PPP6R2: variants seen among roughly 807,000 people sequenced by gnomAD.
The protein encoded by PPP6R2 is protein phosphatase 6 regulatory subunit 2, also known as serine/threonine-protein phosphatase 6 regulatory subunit 2.
A neutral mutation model predicts 100.2 loss-of-function variants in PPP6R2; 62 were observed. The ratio of observed to expected loss-of-function variants is 0.62; its 90% CI spans 0.50 to 0.76. The LOEUF (loss-of-function observed/expected upper bound fraction) is 0.76, where lower values mean the gene tolerates loss of function less well. PPP6R2 is among the 30% of genes least tolerant of loss of function. The pLI is 0.00. For missense variants in PPP6R2, 1,142 were observed against 1,276.3 expected, an observed-to-expected ratio of 0.89 and a Z score of 1.60; for synonymous variants, 525 against 514.7, an observed-to-expected ratio of 1.02 and a Z score of -0.27.
chr22:50,422,286 G>T lies in PPP6R2; in HGVS notation c.878G>T (p.Gly293Val). ...GGCTTGGTGGACTCCTTTTCTCAGGGACTGGAAAGGTCATACGCTGTCAGC... is the reference window on the plus strand; with the variant it reads ...GGCTTGGTGGACTCCTTTTCTCAGGTACTGGAAAGGTCATACGCTGTCAGC... ...TEGLVDSFSQGLERSYAVSSS... is the reference protein window; with the variant it reads ...TEGLVDSFSQVLERSYAVSSS... Residue 293 changes from glycine (G) to valine (V), a missense_variant, in exon 9 of 24, where the codon GGA (glycine) becomes GTA (valine). Gly to Val is a moderately radical substitution (Grantham distance 109). Coordinates refer to ENST00000612753, the MANE Select transcript of PPP6R2 (RefSeq NM_001242898.2). 2 of 1,614,042 alleles carry T rather than the reference G, an allele frequency of 1.2e-6. No homozygotes were observed. The highest frequency in any genetic ancestry group is 2.2e-5 in the East Asian group (1 of 44,876).
At chr22:50,424,054 G>A (rs530468468) in intron 10 of PPP6R2, among the ~76,000 whole-genome samples, 1 of 152,254 alleles carries the variant, frequency 6.6e-6, no homozygotes, top group Non-Finnish European at 1.5e-5. Flanking sequence ...TCTCCATCCC[G>A]CAGACGGCTT....
chr22:50,399,118 G>A (rs1369587571), intron 3 of PPP6R2, among the ~76,000 whole-genome samples: 1 of 152,110 alleles, frequency 6.6e-6, no homozygotes, highest in African/African-American at 2.4e-5. Flanking sequence ...GTGGTGGCCG[G>A]TGCCTGTAGT....
At chr22:50,359,721 A>G (rs2047405648) in intron 1 of PPP6R2, among the ~76,000 whole-genome samples, 1 of 151,820 alleles carries the variant, frequency 6.6e-6, no homozygotes, top group African/African-American at 2.4e-5. Context: ...ATGTGGTTGG[A>G]TTTGGTTTGG....
intron 1 of PPP6R2, among the ~76,000 whole-genome samples, chr22:50,367,308 C>T (rs776000723): frequency 3.3e-5 from 5 of 151,994 alleles, no homozygotes; most frequent in Non-Finnish European, 5.9e-5. Context: ...AAGAAGTTTC[C>T]CTAGAAAAAT....
chr22:50,360,202 G>T (rs1342446426), intron 1 of PPP6R2, among the ~76,000 whole-genome samples: 10 of 152,004 alleles, frequency 6.6e-5, no homozygotes, highest in Non-Finnish European at 1.2e-4. Flanking sequence ...ACAGGTGCGT[G>T]CCACCACGCC....
chr22:50,334,856 A>G, the PPP6R2 span, among the ~76,000 whole-genome samples: 8 of 151,982 alleles, frequency 5.3e-5, no homozygotes, highest in African/African-American at 1.9e-4. Flanking sequence ...AGTCCCAGCT[A>G]CTTAGGAGAC....
chr22:50,364,454 TACAA>T (rs2048358401), intron 1 of PPP6R2, among the ~76,000 whole-genome samples: 1 of 152,202 alleles, frequency 6.6e-6, no homozygotes, highest in Non-Finnish European at 1.5e-5. Context: ...AGGAGGCACA[TACAA>T]ACAAATGTTA....
intron 4 of PPP6R2, among the ~76,000 whole-genome samples, chr22:50,412,434 G>T (rs967664651): frequency 6.6e-6 from 1 of 151,802 alleles, no homozygotes; most frequent in African/African-American, 2.4e-5. Context: ...CGCCTGCCTT[G>T]ACCTCCCTCA....
chr22:50,422,922 A>G (rs1423908919), intron 9 of PPP6R2, among the ~76,000 whole-genome samples: 2 of 152,192 alleles, frequency 1.3e-5, no homozygotes, highest in Non-Finnish European at 2.9e-5. Flanking sequence ...GTGGGGGCCA[A>G]GATTCTGTTT....
At chr22:50,379,122 G>C (rs1477167330) in intron 2 of PPP6R2, among the ~76,000 whole-genome samples, 1 of 152,098 alleles carries the variant, frequency 6.6e-6, no homozygotes, top group African/African-American at 2.4e-5. Flanking sequence ...ATTTTCTGTT[G>C]TTTATAAATT....
chr22:50,415,774 C>T (rs1226263218), intron 5 of PPP6R2, among the ~76,000 whole-genome samples: 1 of 152,238 alleles, frequency 6.6e-6, no homozygotes, highest in East Asian at 1.9e-4. Flanking sequence ...CTTCAGCATC[C>T]AGCGGGGCTC....
At chr22:50,378,484 G>T (rs985860527) in intron 2 of PPP6R2, among the ~76,000 whole-genome samples, 1 of 152,078 alleles carries the variant, frequency 6.6e-6, no homozygotes, top group African/African-American at 2.4e-5. Flanking sequence ...TACTTGGGAG[G>T]CTGAGGCAGG....
At chr22:50,369,797 C>T (rs548538573) in intron 1 of PPP6R2, among the ~76,000 whole-genome samples, 39 of 152,122 alleles carry the variant, frequency 2.6e-4, no homozygotes, top group Middle Eastern at 3.4e-3. Context: ...TGAGCCACCG[C>T]GCCTGACCTT....
chr22:50,380,548 A>G (rs1237894886), intron 2 of PPP6R2, among the ~76,000 whole-genome samples: 1 of 150,538 alleles, frequency 6.6e-6, no homozygotes, highest in East Asian at 2.0e-4. Flanking sequence ...TTTAGTAGAG[A>G]CGGGGTTTCA....
chr22:50,384,654 ACACTGTG>A (rs1569354391), intron 2 of PPP6R2, among the ~76,000 whole-genome samples: 2 of 152,206 alleles, frequency 1.3e-5, no homozygotes, highest in Non-Finnish European at 2.9e-5. Context: ...GCTGCTGGGG[ACACTGTG>A]GTGGCCCAAG....
chr22:50,437,328 G>A (rs1225713403), intron 15 of PPP6R2, among the ~76,000 whole-genome samples, 178 bp from the exon 16 acceptor site: 2 of 152,224 alleles, frequency 1.3e-5, no homozygotes, highest in Non-Finnish European at 2.9e-5. Context: ...CGCAGCGAGC[G>A]CGCAGCCTGA....
upstream of PPP6R2, among the ~76,000 whole-genome samples, chr22:50,339,171 TG>T: frequency 6.9e-6 from 1 of 145,602 alleles, no homozygotes; most frequent in Non-Finnish European, 1.5e-5. Context: ...GTGGTGTGTG[TG>T]GTGTGCGTGT....
At chr22:50,404,466 C>T (rs941346380) in intron 3 of PPP6R2, among the ~76,000 whole-genome samples, 2 of 152,030 alleles carry the variant, frequency 1.3e-5, no homozygotes, top group Non-Finnish European at 2.9e-5. Flanking sequence ...TCTTGGCTCA[C>T]GGCAACCTCT....
intron 10 of PPP6R2, among the ~76,000 whole-genome samples, chr22:50,426,124 TA>T (rs1231683410): frequency 6.6e-6 from 1 of 152,074 alleles, no homozygotes; most frequent in Admixed American, 6.6e-5. Flanking sequence ...AGCTAATTTT[TA>T]TATTTTTTGT....
Sources: allele counts gnomAD v4.1 joint callset (sites outside exome capture counted in the v4.1 genomes callset), GRCh38; gene constraint gnomAD v4.1.1; transcripts MANE v1.5; gene names NCBI Gene and HGNC (gene_info 2026-07-23, HGNC 2026-07-21).